TOMM40L: variants seen among roughly 807,000 people sequenced by gnomAD.
TOMM40L encodes the protein mitochondrial import receptor subunit TOM40B.
A neutral mutation model predicts 38.3 loss-of-function variants in TOMM40L; 17 were observed. The ratio of observed to expected loss-of-function variants is 0.44; its 90% CI spans 0.30 to 0.67. TOMM40L has a LOEUF of 0.67. Among genes scored for constraint, TOMM40L ranks in the 30% least tolerant of loss-of-function variants. The pLI is 0.08. For missense variants in TOMM40L, 294 were observed against 390.0 expected (o/e 0.75, Z 2.07); for synonymous variants, 151 against 150.2 (o/e 1.01, Z -0.04).
chr1:161,227,503 T>A (rs1666425172), intron 4 of TOMM40L, 133 bp from the exon 5 acceptor site: 1 of 1,040,320 alleles, frequency 9.6e-7, no homozygotes, highest in African/African-American at 1.6e-5. Context: ...AAACATTTTC[T>A]GTGAAGAGCC....
intron 2 of TOMM40L, 28 bp downstream of exon 2, chr1:161,226,632 G>C (rs1666364571): frequency 6.2e-7 from 1 of 1,602,584 alleles, no homozygotes. Context: ...GGGTGTCTCA[G>C]GATGAAGGGG....
chr1:161,227,799 T>C (rs1236493745), intron 5 of TOMM40L, 62 bp downstream of exon 5: 2 of 1,604,794 alleles, frequency 1.2e-6, no homozygotes, highest in African/African-American at 1.3e-5. Flanking sequence ...ACGGGTTTCC[T>C]GCTCTGAGGG....
Position 161,229,457 on chromosome 1 carries a change from T to C in TOMM40L, c.*362T>C. The C allele has an allele frequency of 1.5e-6, 1 of 667,722 alleles. No individual in the cohort carries two copies. The highest frequency in any genetic ancestry group is 2.5e-6 in the Non-Finnish European group (1 of 398,534). 41.4% of individuals were successfully genotyped at this position (667,722 alleles called of 1,614,324 possible). On this transcript the variant is annotated 3_prime_UTR_variant, in exon 10 of 10. Coordinates refer to ENST00000367988, the MANE Select transcript of TOMM40L (RefSeq NM_032174.6). ...CCTGCATGGGATTAGCTGACCATCC[T>C]GTTTTCCATCCCAGAGCCTCCCAAG... is the stretch of plus-strand genomic sequence containing the variant.
chr1:161,227,485 G>A (rs1230085174), intron 4 of TOMM40L, 135 bp downstream of exon 4: 1 of 1,058,566 alleles, frequency 9.4e-7, no homozygotes, highest in Non-Finnish European at 1.4e-6. Flanking sequence ...GAATGAGAGA[G>A]GGTAGAGAAA....
rs113342035 is a variant in TOMM40L at position 161,230,044 on chromosome 1, A to T, written c.*949A>T. 1.5e-5 allele frequency: 18 copies of T among 1,241,324 alleles called. No individual in the cohort carries two copies. The African/African-American group carries it at 1.7e-4, about 11-fold the overall frequency. 76.9% of individuals were successfully genotyped at this position (1,241,324 alleles called of 1,614,324 possible). Reference sequence around the variant, plus strand: ...CTCAGTGAAGCCAGGTCTGAACATTAGAGAAAATCATGCTCTGGTATGACA... The same window carrying T: ...CTCAGTGAAGCCAGGTCTGAACATTTGAGAAAATCATGCTCTGGTATGACA... On this transcript the variant is annotated 3_prime_UTR_variant, in exon 10 of 10. Coordinates refer to ENST00000367988, the MANE Select transcript of TOMM40L (RefSeq NM_032174.6).
At position 161,227,409 on chromosome 1, in the gene TOMM40L, G is replaced by T. The variant is rs562403176; in HGVS notation, c.276+59G>T. The T allele has an allele frequency of 2.0e-6, 3 of 1,508,692 alleles. No individual in the cohort carries two copies. The South Asian group carries it at 3.4e-5, about 17-fold the overall frequency. 93.5% of individuals were successfully genotyped at this position (1,508,692 alleles called of 1,614,324 possible). On this transcript the variant is annotated intron_variant, in intron 4 of 9. Transcript: ENST00000367988. ...AAAACCAATCTGGGACCCAGGTCTG[G>T]AGGAAGAGGAATTGTGTGTGTTATG...
Position 161,230,452 on chromosome 1 carries a change from G to A in TOMM40L, c.*1357G>A, listed in dbSNP as rs1334885922. Reference sequence around the variant, plus strand: ...ATCGAAGGAATTGGCCCAATGGCGAGGAGAGGAAAGGCCAAGGGAAGAGAA... The same window carrying A: ...ATCGAAGGAATTGGCCCAATGGCGAAGAGAGGAAAGGCCAAGGGAAGAGAA... On this transcript the variant is annotated 3_prime_UTR_variant, in exon 10 of 10. Transcript: ENST00000367988. The A allele has an allele frequency of 3.0e-5, 14 of 464,932 alleles. No individual in the cohort carries two copies. Among genetic ancestry groups the A allele is most frequent in the Non-Finnish European group, 3.4e-5 (9 of 264,266 alleles). The allele number at this position is 464,932 out of a possible 1,614,324, so 28.8% of individuals were successfully genotyped here. A position where few individuals can be genotyped will look rare whatever the true frequency, so the allele number is the denominator to read the frequency against.
intron 7 of TOMM40L, 46 bp from the exon 8 acceptor site, chr1:161,228,382 A>G: frequency 1.2e-6 from 2 of 1,613,980 alleles, no homozygotes; most frequent in East Asian, 2.2e-5. Flanking sequence ...GGCCTGTGTC[A>G]TACTACAGTT....
At position 161,230,013 on chromosome 1, in the gene TOMM40L, C is replaced by CT; in HGVS notation, c.*919dup. 1 of 1,506,826 alleles carries CT rather than the reference C, an allele frequency of 6.6e-7. No homozygotes were observed. Among genetic ancestry groups the CT allele is most frequent in the Non-Finnish European group, 9.1e-7 (1 of 1,097,312 alleles). The allele number at this position is 1,506,826 out of a possible 1,614,324, so 93.3% of individuals were successfully genotyped here. On this transcript the variant is annotated 3_prime_UTR_variant, in exon 10 of 10. Coordinates refer to ENST00000367988, the MANE Select transcript of TOMM40L (RefSeq NM_032174.6). ...TGTCTCTAGGCCCTGATCCCCTGAA[C>CT]TATTCCTCAGTGAAGCCAGGTCTGA... is the stretch of plus-strand genomic sequence containing the variant.
At position 161,228,516 on chromosome 1, in the gene TOMM40L, G is replaced by A; in HGVS notation, c.684+12G>A. On this transcript the variant is annotated intron_variant, in intron 8 of 9. Coordinates refer to ENST00000367988, the MANE Select transcript of TOMM40L (RefSeq NM_032174.6). ...GGGCAAATGAACAGGTGAGACCTCT[G>A]ATCTCATTCCCTCCTTGTCAGCAAG... 1 of 1,613,918 alleles carries A rather than the reference G, an allele frequency of 6.2e-7. No homozygotes were observed. The highest frequency in any genetic ancestry group is 8.5e-7 in the Non-Finnish European group (1 of 1,179,882).
rs1257475267 is a variant in TOMM40L, at chr1:161,226,955, G to T, written c.183G>T (p.Gln61His). Residue 61 changes from glutamine (Q) to histidine (H), a missense_variant and splice_region_variant, in exon 3 of 10, where the codon CAG (glutamine) becomes CAT (histidine). Gln to His is a conservative substitution (Grantham distance 24). Coordinates refer to ENST00000367988, the MANE Select transcript of TOMM40L (RefSeq NM_032174.6). ...VVNKVLSSHF[Q>H]VAHTIHMSAL... The stretch of plus-strand genomic sequence containing the variant: ...ACAAGGTTCTGAGCAGCCATTTCCA[G>T]GTGCTCCCACTTCTCTGGCCCCTCC... 6.2e-7 allele frequency: 1 copy of T among 1,614,092 alleles called. No homozygotes were observed. Among genetic ancestry groups the T allele is most frequent in the East Asian group, 2.2e-5 (1 of 44,882 alleles).
At chr1:161,226,867 C>T in intron 2 of TOMM40L, 21 bp from the exon 3 acceptor site, 1 of 1,613,216 alleles carries the variant, frequency 6.2e-7, no homozygotes, top group Non-Finnish European at 8.5e-7. Context: ...CTTATTCCTT[C>T]CCTTCCCCTA....
At position 161,229,303 on chromosome 1, in the gene TOMM40L, A is replaced by G; in HGVS notation, c.*208A>G. On this transcript the variant is annotated 3_prime_UTR_variant, in exon 10 of 10. Coordinates refer to ENST00000367988, the MANE Select transcript of TOMM40L (RefSeq NM_032174.6). The stretch of plus-strand genomic sequence containing the variant: ...GAGGTTTGAGGATCCCCCCTCTGCT[A>G]CCAGCCCCAGTATCACCTTCCCCAT... The G allele has an allele frequency of 1.5e-6, 1 of 683,292 alleles. No homozygotes were observed. The highest frequency in any genetic ancestry group is 2.4e-6 in the Non-Finnish European group (1 of 411,628). The allele number at this position is 683,292 out of a possible 1,614,324, so 42.3% of individuals were successfully genotyped here.
At position 161,229,732 on chromosome 1, in the gene TOMM40L, G is replaced by T. The variant is rs1387926756; in HGVS notation, c.*637G>T. 6.2e-7 allele frequency: 1 copy of T among 1,614,222 alleles called. No homozygotes were observed. The highest frequency in any genetic ancestry group is 1.3e-5 in the African/African-American group (1 of 75,060). ...GAACCCGGCCCAATCTTTGGTCCCA[G>T]CATTTTCCCACTCCAGTGTATCCAG... On this transcript the variant is annotated 3_prime_UTR_variant, in exon 10 of 10. Coordinates refer to ENST00000367988, the MANE Select transcript of TOMM40L (RefSeq NM_032174.6).
chr1:161,229,921 A>G lies in TOMM40L; in HGVS notation c.*826A>G. On this transcript the variant is annotated 3_prime_UTR_variant, in exon 10 of 10. Transcript: ENST00000367988. Reference sequence around the variant, plus strand: ...CAGCAGGCCTAGCAACTTCGCATACAGAAACCTTTGGAGGAAGTAGTGGGG... The same window carrying G: ...CAGCAGGCCTAGCAACTTCGCATACGGAAACCTTTGGAGGAAGTAGTGGGG... 1.2e-6 allele frequency: 2 copies of G among 1,614,088 alleles called. No homozygotes were observed. Among genetic ancestry groups the G allele is most frequent in the East Asian group, 4.5e-5 (2 of 44,898 alleles).
rs1415015361 is a variant in TOMM40L, at chr1:161,230,208, A to T, written c.*1113A>T. 7 of 422,002 alleles carry T rather than the reference A, an allele frequency of 1.7e-5. No homozygotes were observed. The highest frequency in any genetic ancestry group is 1.2e-4 in the African/African-American group (6 of 49,426). The allele number at this position is 422,002 out of a possible 1,614,324, so 26.1% of individuals were successfully genotyped here. A position where few individuals can be genotyped will look rare whatever the true frequency, so the allele number is the denominator to read the frequency against. On this transcript the variant is annotated 3_prime_UTR_variant, in exon 10 of 10. Coordinates refer to ENST00000367988, the MANE Select transcript of TOMM40L (RefSeq NM_032174.6). The stretch of plus-strand genomic sequence containing the variant: ...TCCAGACTTGGCCAGAACTCCAACC[A>T]TGTGGAATCTGAGGGCCTGGCCTTC...
intron 5 of TOMM40L, 25 bp from the exon 6 acceptor site, chr1:161,227,859 T>A: frequency 1.2e-6 from 2 of 1,612,830 alleles, no homozygotes; most frequent in Non-Finnish European, 1.7e-6. Flanking sequence ...GGAGGGAGAT[T>A]TTACTTCTTG....
intron 6 of TOMM40L, 43 bp downstream of exon 6, chr1:161,228,032 T>C (rs771923752): frequency 6.8e-6 from 11 of 1,607,800 alleles, no homozygotes; most frequent in Non-Finnish European, 9.4e-6. Context: ...GGCGGCCCAT[T>C]TGCTAATGTT....
At position 161,229,137 on chromosome 1, in the gene TOMM40L, G is replaced by A. The variant is rs985546750; in HGVS notation, c.*42G>A. 3 of 1,614,028 alleles carry A rather than the reference G, an allele frequency of 1.9e-6. No homozygotes were observed. Among genetic ancestry groups the A allele is most frequent in the Non-Finnish European group, 1.7e-6 (2 of 1,179,970 alleles). ...CCCCCACAGCAGCTGGAACCTCTGA[G>A]TCAGGTGCCCTAGGGCCAAAGACTA... On this transcript the variant is annotated 3_prime_UTR_variant, in exon 10 of 10. Transcript: ENST00000367988.
Sources: allele counts gnomAD v4.1 joint callset, GRCh38; gene constraint gnomAD v4.1.1; transcripts MANE v1.5; gene names NCBI Gene and HGNC (gene_info 2026-07-23, HGNC 2026-07-21).